Variants in MACROD2 observed in about 807,000 individuals in gnomAD.
MACROD2 encodes the protein ADP-ribose glycohydrolase MACROD2.
A neutral mutation model predicts 70.4 loss-of-function variants in MACROD2; 36 were observed. The ratio of observed to expected loss-of-function variants is 0.51; its 90% CI spans 0.39 to 0.68. The LOEUF is 0.68. MACROD2 is among the 30% of genes least tolerant of loss of function. The probability of loss-of-function intolerance (pLI) is 0.00; values close to 1 mark genes in which losing one functional copy is unlikely to be tolerated. For synonymous variants in MACROD2, 172 were observed against 178.8 expected (o/e 0.96, Z 0.30); for missense variants, 496 against 538.4 (o/e 0.92, Z 0.78).
At chr20:14,185,100 T>C (rs1051959968) in intron 3 of MACROD2, among the ~76,000 whole-genome samples, 2 of 152,108 alleles carry the variant, frequency 1.3e-5, no homozygotes, top group Admixed American at 1.3e-4. Context: ...ACTGTGTGTG[T>C]AGATGCTCAA....
intron 8 of MACROD2, among the ~76,000 whole-genome samples, chr20:15,575,681 T>C (rs1005864592): frequency 1.3e-5 from 2 of 152,196 alleles, no homozygotes; most frequent in South Asian, 4.1e-4. Context: ...ATTTTAATGA[T>C]TTTTAAAACA....
In MACROD2 at chr20:15,311,669, G is replaced by A. The variant is rs143957584; in HGVS notation, c.540+81608G>A. Among the ~76,000 whole-genome samples, 580 of 152,176 alleles carry A rather than the reference G, an allele frequency of 3.8e-3. 6 individuals are homozygous for A. The South Asian group carries it at 0.052, about 14-fold the overall frequency. ...GGAGCTGGAGGTGATTATCCTAAGC[G>A]TATTAACTCAGTTACAGAAAACCAA... On this transcript the variant is annotated intron_variant, in intron 6 of 17. Transcript: ENST00000684519.
chr20:15,360,356 A>G (rs911957812), intron 6 of MACROD2, among the ~76,000 whole-genome samples: 5 of 152,170 alleles, frequency 3.3e-5, no homozygotes, highest in African/African-American at 1.2e-4. Context: ...ATTTTCATTT[A>G]TCTGGCATAA....
intron 5 of MACROD2, among the ~76,000 whole-genome samples, chr20:15,175,171 C>T (rs1374648308): frequency 2.7e-5 from 4 of 150,902 alleles, no homozygotes; most frequent in African/African-American, 4.9e-5. Context: ...AGTAAACTAT[C>T]GCAAGAACAA....
At chr20:15,980,996 A>G (rs2066389699) in intron 13 of MACROD2, among the ~76,000 whole-genome samples, 1 of 152,142 alleles carries the variant, frequency 6.6e-6, no homozygotes, top group Admixed American at 6.5e-5. Flanking sequence ...TTTTGTTTTT[A>G]GTGGGCCATT....
At chr20:15,988,657 A>C (rs1281106588) in intron 15 of MACROD2, among the ~76,000 whole-genome samples, 2 of 152,130 alleles carry the variant, frequency 1.3e-5, no homozygotes, top group Non-Finnish European at 2.9e-5. Context: ...TAATGGTGGA[A>C]TAGCATGTGG....
At chr20:15,236,159 A>G (rs2077012243) in intron 6 of MACROD2, among the ~76,000 whole-genome samples, 1 of 152,230 alleles carries the variant, frequency 6.6e-6, no homozygotes, top group African/African-American at 2.4e-5. Flanking sequence ...TGATTTAGCC[A>G]GTGTGGGAAA....
intron 5 of MACROD2, among the ~76,000 whole-genome samples, chr20:14,703,836 C>T (rs1445150889): frequency 3.3e-5 from 5 of 152,114 alleles, no homozygotes; most frequent in African/African-American, 9.7e-5. Context: ...AAGAGATTCT[C>T]CTGCCTCAGC....
chr20:15,961,013 A>G (rs990381013), intron 12 of MACROD2, among the ~76,000 whole-genome samples: 1 of 152,198 alleles, frequency 6.6e-6, no homozygotes, highest in Non-Finnish European at 1.5e-5. Flanking sequence ...ACAACAATTT[A>G]TAATTTTTTA....
At chr20:14,488,391 G>A (rs1261602569) in intron 3 of MACROD2, among the ~76,000 whole-genome samples, 1 of 152,142 alleles carries the variant, frequency 6.6e-6, no homozygotes, top group African/African-American at 2.4e-5. Context: ...AAGGGTGACT[G>A]GTATGTAGCA....
intron 3 of MACROD2, among the ~76,000 whole-genome samples, chr20:14,115,880 A>C (rs914216682): frequency 2.0e-5 from 3 of 152,216 alleles, no homozygotes; most frequent in Non-Finnish European, 4.4e-5. Context: ...CCAGTAAGTA[A>C]ACTTCGGTTG....
chr20:14,912,330 T>C (rs1206775020), intron 5 of MACROD2, among the ~76,000 whole-genome samples: 1 of 152,214 alleles, frequency 6.6e-6, no homozygotes, highest in Non-Finnish European at 1.5e-5. Context: ...TAACAAATGC[T>C]CTTATGGATC....
chr20:15,608,072 T>C (rs2048918282), intron 8 of MACROD2, among the ~76,000 whole-genome samples: 1 of 152,242 alleles, frequency 6.6e-6, no homozygotes, highest in South Asian at 2.1e-4. Flanking sequence ...AAGAGGAATA[T>C]AAAGAATTCT....
intron 4 of MACROD2, among the ~76,000 whole-genome samples, chr20:14,569,175 A>G (rs1980017113): frequency 6.6e-6 from 1 of 151,976 alleles, no homozygotes. Context: ...GGTATTTCTG[A>G]CAGAATGCTT....
intron 6 of MACROD2, among the ~76,000 whole-genome samples, chr20:15,333,378 T>G (rs529368922): frequency 6.6e-6 from 1 of 151,788 alleles, no homozygotes; most frequent in African/African-American, 2.4e-5. Flanking sequence ...CAGTTTCATT[T>G]CCTTTCTCCT....
intron 6 of MACROD2, among the ~76,000 whole-genome samples, chr20:15,426,839 T>A (rs1279315029): frequency 1.3e-5 from 2 of 152,186 alleles, no homozygotes; most frequent in East Asian, 3.8e-4. Context: ...GGATAGTATT[T>A]GCATGGAAGG....
At chr20:15,669,769 A>G (rs755846497) in intron 8 of MACROD2, among the ~76,000 whole-genome samples, 168 of 152,342 alleles carry the variant, frequency 1.1e-3, no homozygotes, top group Non-Finnish European at 1.9e-3. Flanking sequence ...TTCCCCAACC[A>G]GGAAGACCTA....
chr20:14,662,004 C>T (rs989961697), intron 4 of MACROD2, among the ~76,000 whole-genome samples: 1 of 152,068 alleles, frequency 6.6e-6, no homozygotes, highest in African/African-American at 2.4e-5. Flanking sequence ...TCATTATGGA[C>T]TTCCATAAAT....
chr20:14,079,911 C>T (rs2053967291), intron 2 of MACROD2, among the ~76,000 whole-genome samples: 1 of 152,192 alleles, frequency 6.6e-6, no homozygotes, highest in South Asian at 2.1e-4. Context: ...CCAGCATCTT[C>T]CCTACCCCCA....
Sources: allele counts gnomAD v4.1 joint callset (sites outside exome capture counted in the v4.1 genomes callset), GRCh38; gene constraint gnomAD v4.1.1; transcripts MANE v1.5; gene names NCBI Gene and HGNC (gene_info 2026-07-23, HGNC 2026-07-21).